Variants in IRAG2 observed in about 807,000 individuals in gnomAD.
IRAG2 encodes inositol 1,4,5-triphosphate receptor associated 2.
In IRAG2, 45 loss-of-function variants were observed where a neutral mutation model predicts 69.9. The ratio of observed to expected loss-of-function variants is 0.64; its 90% CI spans 0.51 to 0.83. The LOEUF is 0.83. IRAG2 is among the 40% of genes least tolerant of loss of function. The pLI, the probability that IRAG2 is intolerant of heterozygous loss-of-function variation, is 0.00. For missense variants in IRAG2, 520 were observed against 587.0 expected (o/e 0.89, Z 1.18); for synonymous variants, 193 against 202.4 (o/e 0.95, Z 0.40).
At chr12:25,004,282 T>G (rs1413703329), upstream of IRAG2, 1 of 1,097,382 alleles carries the variant, frequency 9.1e-7, no homozygotes, top group South Asian at 4.7e-5. Context: ...CTTTTAAACA[T>G]GTATCTACTT....
At chr12:25,025,329 A>G (rs557396431) in intron 8 of IRAG2, among the ~76,000 whole-genome samples, 1 of 152,346 alleles carries the variant, frequency 6.6e-6, no homozygotes, top group East Asian at 1.9e-4. Flanking sequence ...AGAGCCTTCC[A>G]GGCAGAAGAA....
chr12:25,016,434 C>G (rs924758093), intron 5 of IRAG2, among the ~76,000 whole-genome samples: 1 of 152,152 alleles, frequency 6.6e-6, no homozygotes, highest in Non-Finnish European at 1.5e-5. Context: ...ACTCTAGGAA[C>G]TGTTTCCTAG....
At chr12:25,015,162 T>C in intron 3 of IRAG2, 3 of 1,072,202 alleles carry the variant, frequency 2.8e-6, no homozygotes, top group Non-Finnish European at 2.3e-6. Flanking sequence ...TTTGTTTTTT[T>C]TTTTTTTTTT....
intron 9 of IRAG2, among the ~76,000 whole-genome samples, chr12:25,027,949 G>C (rs1944637239): frequency 6.6e-6 from 1 of 151,568 alleles, no homozygotes; most frequent in Admixed American, 6.6e-5. Flanking sequence ...TATTGAAACA[G>C]AGTTTTGCTC....
intron 13 of IRAG2, among the ~76,000 whole-genome samples, chr12:25,035,096 C>G (rs948036798): frequency 6.6e-6 from 1 of 152,108 alleles, no homozygotes; most frequent in African/African-American, 2.4e-5. Context: ...TGAGGTTTAC[C>G]CACTGATGAG....
chr12:25,092,237 T>C (rs1200028225), intron 14 of IRAG2, among the ~76,000 whole-genome samples: 1 of 151,596 alleles, frequency 6.6e-6, no homozygotes, highest in South Asian at 2.1e-4. Context: ...CCATCTCTAC[T>C]AAAAATACAA....
chr12:24,998,607 A>G, the IRAG2 span, among the ~76,000 whole-genome samples: 2 of 152,186 alleles, frequency 1.3e-5, no homozygotes, highest in African/African-American at 4.8e-5. Context: ...TTAGGTTTTG[A>G]TGAAGAGTTT....
At chr12:25,094,070 T>C (rs1312798318) in intron 14 of IRAG2, among the ~76,000 whole-genome samples, 1 of 141,802 alleles carries the variant, frequency 7.1e-6, no homozygotes, top group African/African-American at 2.8e-5. Context: ...CTTTGATGTA[T>C]AAAGACTTTT....
At chr12:25,044,337 G>A (rs1213634518) in intron 16 of IRAG2, among the ~76,000 whole-genome samples, 3 of 151,684 alleles carry the variant, frequency 2.0e-5, no homozygotes, top group Non-Finnish European at 4.4e-5. Flanking sequence ...CTCAAAGGAA[G>A]GCAAGCAGAG....
At chr12:25,006,026 T>C (rs544770670) in intron 2 of IRAG2, among the ~76,000 whole-genome samples, 15 of 152,012 alleles carry the variant, frequency 9.9e-5, no homozygotes, top group Admixed American at 9.8e-4. Flanking sequence ...ACTTAAACAA[T>C]TCAACAAACA....
chr12:25,098,680 AACAAAC>A lies in IRAG2; in HGVS notation c.741+1644_741+1649del, dbSNP rs147734095. ...TTTCTAGATGGGAATAATAACACAA[AACAAAC>A]ACAAACAAAATAACTTTTTATCCTT... On this transcript the variant is annotated intron_variant, in intron 15 of 21. Transcript: ENST00000556887. 2.1e-3 allele frequency among the ~76,000 whole-genome samples: 323 copies of A among 152,306 alleles called. 2 individuals are homozygous for A. Among genetic ancestry groups the A allele is most frequent in the African/African-American group, 7.3e-3 (302 of 41,554 alleles).
upstream of IRAG2, chr12:25,052,430 GAAC>G (rs754012969): frequency 2.5e-5 from 10 of 392,704 alleles, no homozygotes; most frequent in South Asian, 1.4e-4. Flanking sequence ...AATGGAGGAG[GAAC>G]AACAACAACA....
rs74852078 is a variant in IRAG2 at position 25,032,316 on chromosome 12, G to A, written c.1590G>A (p.Gly530=). The change falls in exon 12 of 39, where the codon GGG becomes GGA. Residue 530 remains glycine (G), a synonymous_variant. Transcript: ENST00000636465. ...GTGTGCGATTCCAGAATTTACGAGG[G>A]GAAAAAAGTAAACTGGCTCATGAGT... 12 of 398,842 alleles carry A rather than the reference G, an allele frequency of 3.0e-5. No individual in the cohort carries two copies. The East Asian group carries it at 3.9e-4, about 13-fold the overall frequency. The allele number at this position is 398,842 out of a possible 1,614,324, so 24.7% of individuals were successfully genotyped here. A position where few individuals can be genotyped will look rare whatever the true frequency, so the allele number is the denominator to read the frequency against.
At chr12:25,084,895 C>T (rs533084555) in intron 10 of IRAG2, among the ~76,000 whole-genome samples, 32 of 152,314 alleles carry the variant, frequency 2.1e-4, no homozygotes, top group African/African-American at 3.1e-4. Context: ...CCTAATGAAA[C>T]GGGAGAGTTC....
At chr12:25,051,835 C>T (rs79597956), upstream of IRAG2, among the ~76,000 whole-genome samples, 1,162 of 152,228 alleles carry the variant, frequency 7.6e-3, 14 homozygotes, top group African/African-American at 0.027. Context: ...ACCTTTACCC[C>T]ATTCCTTTCT....
At chr12:25,008,791 T>C (rs778687339) in intron 2 of IRAG2, among the ~76,000 whole-genome samples, 1 of 152,122 alleles carries the variant, frequency 6.6e-6, no homozygotes, top group African/African-American at 2.4e-5. Flanking sequence ...TAGTGTAAGG[T>C]GTTTTCTTGG....
At chr12:25,045,024 A>G (rs1310831777) in intron 16 of IRAG2, among the ~76,000 whole-genome samples, 1 of 152,156 alleles carries the variant, frequency 6.6e-6, no homozygotes, top group Non-Finnish European at 1.5e-5. Context: ...ACAAAGAGTA[A>G]CAAATTTAAG....
chr12:25,067,742 A>G (rs1946078963), intron 5 of IRAG2, among the ~76,000 whole-genome samples: 1 of 152,140 alleles, frequency 6.6e-6, no homozygotes, highest in Non-Finnish European at 1.5e-5. Flanking sequence ...ATTTGGGCTC[A>G]CTGAAACCTT....
chr12:25,013,428 T>G (rs2139823822), intron 3 of IRAG2, among the ~76,000 whole-genome samples: 1 of 152,300 alleles, frequency 6.6e-6, no homozygotes, highest in African/African-American at 2.4e-5. Context: ...CAGTAAGCTG[T>G]GACAGAGCCA....
Sources: allele counts gnomAD v4.1 joint callset (sites outside exome capture counted in the v4.1 genomes callset), GRCh38; gene constraint gnomAD v4.1.1; transcripts MANE v1.5; gene names NCBI Gene and HGNC (gene_info 2026-07-23, HGNC 2026-07-21).